Variants in ENO1 observed in about 807,000 individuals in gnomAD.
The protein encoded by ENO1 is alpha-enolase.
In ENO1, 33 loss-of-function variants were observed where a neutral mutation model predicts 46.3. The observed-to-expected ratio is 0.71, with a 90% CI of 0.54 to 0.95. ENO1 has a LOEUF of 0.95. Among genes scored for constraint, ENO1 ranks in the 40% least tolerant of loss-of-function variants. ENO1 has a pLI of 0.00. For synonymous variants in ENO1, 220 were observed against 216.0 expected (o/e 1.02, Z -0.16); for missense variants, 488 against 553.3 (o/e 0.88, Z 1.18).
In ENO1 at chr1:8,871,902, T is replaced by C. The variant is rs1432506362; in HGVS notation, c.170A>G (p.Tyr57Cys). ...LELRDNDKTR[Y>C]MGKGVSKAVE... ...GTTCTAAGGCTTACCCTTCCCCATA[T>C]AGCGAGTCTTATCATTGTCCCGGAG... Residue 57 changes from tyrosine (Y) to cysteine (C), a missense_variant, in exon 3 of 12, where the codon TAT (tyrosine) becomes TGT (cysteine). Transcript: ENST00000234590. 5.6e-6 allele frequency: 9 copies of C among 1,614,008 alleles called. No individual in the cohort carries two copies. The highest frequency in any genetic ancestry group is 5.9e-6 in the Non-Finnish European group (7 of 1,180,008).
At chr1:8,864,858 T>C (rs1642478191) in intron 8 of ENO1, among the ~76,000 whole-genome samples, 1 of 152,154 alleles carries the variant, frequency 6.6e-6, no homozygotes, top group Admixed American at 6.5e-5. Context: ...CAGCCAGCCA[T>C]CAGCTTCCTC....
At chr1:8,872,982 A>G (rs1642664373) in intron 2 of ENO1, among the ~76,000 whole-genome samples, 1 of 152,244 alleles carries the variant, frequency 6.6e-6, no homozygotes, top group Non-Finnish European at 1.5e-5. Context: ...GATGGTGTCA[A>G]GGAAGATGTT....
intron 5 of ENO1, among the ~76,000 whole-genome samples, chr1:8,867,718 G>C (rs567798251): frequency 6.6e-6 from 1 of 152,190 alleles, no homozygotes; most frequent in South Asian, 2.1e-4. Flanking sequence ...TTTTAGTGGA[G>C]ACGGGGTTTC....
At chr1:8,875,228 T>C (rs1642711137) in intron 1 of ENO1, among the ~76,000 whole-genome samples, 1 of 151,994 alleles carries the variant, frequency 6.6e-6, no homozygotes, top group Non-Finnish European at 1.5e-5. Flanking sequence ...AGGTCTGATT[T>C]TTCACAAAAA....
Position 8,870,517 on chromosome 1 carries a change from G to A in ENO1, c.182-7C>T, listed in dbSNP as rs28999073. 2.5e-6 allele frequency: 4 copies of A among 1,614,140 alleles called. No individual in the cohort carries two copies. Among genetic ancestry groups the A allele is most frequent in the East Asian group, 2.2e-5 (1 of 44,892 alleles). On this transcript the variant is annotated splice_polypyrimidine_tract_variant and splice_region_variant and intron_variant, in intron 3 of 11. Transcript: ENST00000234590. ...TCAACAGCCTTTGAGACACCTGGAAGGAACAATCAAATCAAATTACTGACA... is the reference window on the plus strand; with the variant it reads ...TCAACAGCCTTTGAGACACCTGGAAAGAACAATCAAATCAAATTACTGACA...
rs762352421 is a variant in ENO1 at position 8,861,354 on chromosome 1, C to T, written c.*6G>A. On this transcript the variant is annotated 3_prime_UTR_variant, in exon 12 of 12. Coordinates refer to ENST00000234590, the MANE Select transcript of ENO1 (RefSeq NM_001428.5). ...CAGGTGACCGAAGGGCTTGCCTGCC[C>T]ACAGCTTACTTGGCCAAGGGGTTTC... 5 of 1,613,654 alleles carry T rather than the reference C, an allele frequency of 3.1e-6. No homozygotes were observed. The highest frequency in any genetic ancestry group is 4.2e-6 in the Non-Finnish European group (5 of 1,180,006).
In ENO1 at chr1:8,865,231, G is replaced by A. The variant is rs1382348304; in HGVS notation, c.865+54C>T. On this transcript the variant is annotated intron_variant, in intron 8 of 11. Transcript: ENST00000234590. ...CACCAGCCAGCCAGATGCTCCAGCT[G>A]CCCTGCTGCAGGTCAGTGGCAGGAA... 9.4e-6 allele frequency: 15 copies of A among 1,597,934 alleles called. 1 individual carries two copies. The highest frequency in any genetic ancestry group is 3.3e-5 in the Admixed American group (2 of 59,796).
intron 3 of ENO1, chr1:8,870,966 G>A: frequency 8.0e-7 from 1 of 1,246,600 alleles, no homozygotes; most frequent in Non-Finnish European, 1.0e-6. Context: ...GAGAGACAGT[G>A]AGGGGGCAGG....
rs776586770 is a variant in ENO1, at chr1:8,861,418, T to C, written c.1247A>G (p.Glu416Gly). 60 of 1,613,848 alleles carry C rather than the reference T, an allele frequency of 3.7e-5. No homozygotes were observed. In the South Asian group the frequency reaches 4.8e-4, roughly 13 times the overall value. ...GGCAAACTTAGCCTTGCTGCCCAGC[T>C]CCTCTTCAATTCTTGGGAAGGAGAA... ...KYNQLLRIEE[E>G]LGSKAKFAGR... is the part of the protein sequence containing the mutation. The change falls in exon 12 of 12, where the codon GAG (glutamate) becomes GGG (glycine). Residue 416 changes from glutamate to glycine, a missense_variant. By Grantham distance (98) the Glu-to-Gly change is moderately conservative. Transcript: ENST00000234590.
chr1:8,870,712 G>A, intron 3 of ENO1: 1 of 1,436,914 alleles, frequency 7.0e-7, no homozygotes, highest in Non-Finnish European at 9.1e-7. Context: ...GACCCCAGAG[G>A]GTTAGAGCCA....
chr1:8,874,592 A>G lies in ENO1; in HGVS notation c.85+232T>C, dbSNP rs561444912. On this transcript the variant is annotated intron_variant, in intron 2 of 11. Coordinates refer to ENST00000234590, the MANE Select transcript of ENO1 (RefSeq NM_001428.5). ...GACTCCATCTCAAAAAAAAAAAAAA[A>G]AAAAAAAAGAAAAAGAAAAAGAAAA... 1.7e-3 allele frequency among the ~76,000 whole-genome samples: 263 copies of G among 150,468 alleles called. 2 individuals carry two copies. Among genetic ancestry groups the G allele is most frequent in the African/African-American group, 6.2e-3 (257 of 41,126 alleles).
intron 3 of ENO1, chr1:8,871,091 G>A (rs1569913988): frequency 1.7e-6 from 2 of 1,212,076 alleles, no homozygotes; most frequent in Non-Finnish European, 1.0e-6. Context: ...AAGTCCCCAC[G>A]TACGCCATTA....
chr1:8,868,168 G>A, intron 4 of ENO1, 111 bp from the exon 5 acceptor site: 3 of 814,970 alleles, frequency 3.7e-6, no homozygotes, highest in Non-Finnish European at 3.9e-6. Flanking sequence ...AATCAATTCT[G>A]TGATGTTTGT....
Position 8,874,885 on chromosome 1 carries a change from G to A in ENO1, c.24C>T (p.Ala8=), listed in dbSNP as rs1286802742. 6.2e-7 allele frequency: 1 copy of A among 1,613,718 alleles called. No individual in the cohort carries two copies. The highest frequency in any genetic ancestry group is 1.3e-5 in the African/African-American group (1 of 74,882). The change falls in exon 2 of 12, where the codon GCC becomes GCT. Residue 8 remains alanine (A), a synonymous_variant. Transcript: ENST00000234590. MSILKIH[A]REIFDSRGNP... ...TCCCGCGAGAGTCAAAGATCTCCCTGGCATGGATCTTGAGAATAGACATGG... is the reference window on the plus strand; with the variant it reads ...TCCCGCGAGAGTCAAAGATCTCCCTAGCATGGATCTTGAGAATAGACATGG...
chr1:8,863,959 G>A lies in ENO1; in HGVS notation c.999C>T (p.Asn333=), dbSNP rs146867004. 26 of 1,613,970 alleles carry A rather than the reference G, an allele frequency of 1.6e-5. No individual in the cohort carries two copies. Among genetic ancestry groups the A allele is most frequent in the Middle Eastern group, 3.3e-4 (2 of 6,084 alleles). Residue 333 remains asparagine (N), a synonymous_variant, in exon 9 of 12, where the codon AAC becomes AAT. Transcript: ENST00000234590. ...GCAGGAGGCAGTTGCAGGACTTCTC[G>A]TTCACGGCCTTGGCGATCCTCTTTG... ...TNPKRIAKAV[N]EKSCNCLLLK... is the part of the protein sequence containing the mutation.
Position 8,863,329 on chromosome 1 carries a change from T to A in ENO1, c.1082A>T (p.Gln361Leu). The change falls in exon 10 of 12, where the codon CAG becomes CTG. Residue 361 changes from glutamine (Q) to leucine (L), a missense_variant. Coordinates refer to ENST00000234590, the MANE Select transcript of ENO1 (RefSeq NM_001428.5). ...CACCATGACGCCCCAACCATTGGCC[T>A]GGGCCAGCTTGCACCTGGAAGCCAA... is the stretch of plus-strand genomic sequence containing the variant. Reference protein sequence around the residue: ...TESLQACKLAQANGWGVMVSH... With the variant: ...TESLQACKLALANGWGVMVSH... 13 of 1,612,948 alleles carry A rather than the reference T, an allele frequency of 8.1e-6. No homozygotes were observed. Among genetic ancestry groups the A allele is most frequent in the African/African-American group, 1.3e-5 (1 of 74,962 alleles).
rs774084402 is a variant in ENO1, at chr1:8,863,338, T to C, written c.1073A>G (p.Lys358Arg). The C allele has an allele frequency of 1.2e-6, 2 of 1,612,572 alleles. No individual in the cohort carries two copies. The highest frequency in any genetic ancestry group is 8.5e-7 in the Non-Finnish European group (1 of 1,179,426). ...GSVTESLQAC[K>R]LAQANGWGVM... ...GCCCCAACCATTGGCCTGGGCCAGC[T>C]TGCACCTGGAAGCCAAGGAACAACC... The change falls in exon 10 of 12, where the codon AAG becomes AGG. Residue 358 changes from lysine to arginine, a missense_variant. Lys to Arg is a conservative substitution (Grantham distance 26). Transcript: ENST00000234590.
At position 8,865,435 on chromosome 1, in the gene ENO1, T is replaced by C. The variant is rs767829239; in HGVS notation, c.715A>G (p.Lys239Glu). ...GCTACGTCCATGCCGATGACCACCT[T>C]ATCAGTGTAGCCAGCTTTCCCAATA... is the stretch of plus-strand genomic sequence containing the variant. The part of the protein sequence containing the change: ...TAIGKAGYTD[K>E]VVIGMDVAAS... Residue 239 changes from lysine to glutamate, a missense_variant, in exon 8 of 12, where the codon AAG becomes GAG. Lys to Glu is a moderately conservative substitution (Grantham distance 56). Transcript: ENST00000234590. 2 of 1,613,632 alleles carry C rather than the reference T, an allele frequency of 1.2e-6. No individual in the cohort carries two copies. Among genetic ancestry groups the C allele is most frequent in the Non-Finnish European group, 1.7e-6 (2 of 1,180,036 alleles).
At chr1:8,874,739 T>C (rs933948609) in intron 2 of ENO1, 85 bp downstream of exon 2, 2 of 1,233,070 alleles carry the variant, frequency 1.6e-6, no homozygotes, top group Admixed American at 4.3e-5. Flanking sequence ...AGATTTTTTT[T>C]TTCCTAAGGC....
Sources: allele counts gnomAD v4.1 joint callset (sites outside exome capture counted in the v4.1 genomes callset), GRCh38; gene constraint gnomAD v4.1.1; transcripts MANE v1.5; gene names NCBI Gene and HGNC (gene_info 2026-07-23, HGNC 2026-07-21).